Variants in CDC42BPA observed in about 807,000 individuals in gnomAD.
CDC42BPA encodes the protein serine/threonine-protein kinase MRCK alpha.
Under a neutral mutation model 223.5 loss-of-function variants are expected in CDC42BPA, and 80 were observed. The observed-to-expected ratio is 0.36, with a 90% CI of 0.30 to 0.43. CDC42BPA has a LOEUF of 0.43. CDC42BPA is among the 20% of genes least tolerant of loss of function. CDC42BPA has a pLI of 1.00. For synonymous variants in CDC42BPA, 694 were observed against 718.6 expected, an observed-to-expected ratio of 0.97 and a Z score of 0.55; for missense variants, 1,743 against 2,099.9, an observed-to-expected ratio of 0.83 and a Z score of 3.32.
chr1:227,124,648 G>C (rs1332487530), intron 11 of CDC42BPA, among the ~76,000 whole-genome samples: 2 of 152,116 alleles, frequency 1.3e-5, no homozygotes, highest in African/African-American at 4.8e-5. Flanking sequence ...AGCATGGCTG[G>C]AATCACTGGG....
intron 2 of CDC42BPA, among the ~76,000 whole-genome samples, chr1:227,249,894 GA>G (rs1313983758): frequency 6.7e-6 from 1 of 148,990 alleles, no homozygotes; most frequent in Non-Finnish European, 1.5e-5. Flanking sequence ...GGTAGCACAA[GA>G]GGGGGACTGT....
At position 227,317,147 on chromosome 1, in the gene CDC42BPA, C is replaced by T. The variant is rs1460873400; in HGVS notation, c.36G>A (p.Gln12=). 6.2e-7 allele frequency: 1 copy of T among 1,613,264 alleles called. No homozygotes were observed. The highest frequency in any genetic ancestry group is 8.5e-7 in the Non-Finnish European group (1 of 1,179,860). Residue 12 remains glutamine, a synonymous_variant, in exon 1 of 37, where the codon CAG becomes CAA. Transcript: ENST00000366766. ...SGEVRLRQLE[Q]FILDGPAQTN... ...TCTGAGCGGGCCCGTCCAAAATAAA[C>T]TGCTCCAACTGCCTCAAACGCACTT...
At position 227,009,458 on chromosome 1, in the gene CDC42BPA, G is replaced by A. The variant is rs1664745165; in HGVS notation, c.4858-4347C>T. ...TAGCCTTTCTCTATCACCTAAGCTG[G>A]AGTGCAGTGGTGCAATCACGGCTCT... On this transcript the variant is annotated intron_variant, in intron 34 of 36. Transcript: ENST00000366766. Among the ~76,000 whole-genome samples, 4 of 152,080 alleles carry A rather than the reference G, an allele frequency of 2.6e-5. No individual in the cohort carries two copies. The South Asian group carries it at 8.3e-4, about 32-fold the overall frequency.
intron 10 of CDC42BPA, among the ~76,000 whole-genome samples, chr1:227,135,481 G>A (rs1658294994): frequency 6.6e-6 from 1 of 152,096 alleles, no homozygotes. Context: ...GGAAGTGAAG[G>A]AGAAAGAGGC....
chr1:227,109,532 A>G (rs1432234278), intron 14 of CDC42BPA, among the ~76,000 whole-genome samples: 1 of 151,760 alleles, frequency 6.6e-6, no homozygotes, highest in Non-Finnish European at 1.5e-5. Flanking sequence ...CGTTCAGCTA[A>G]TTTTTGTATT....
chr1:227,274,697 A>C (rs970955662), intron 1 of CDC42BPA, among the ~76,000 whole-genome samples: 1 of 152,142 alleles, frequency 6.6e-6, no homozygotes, highest in Non-Finnish European at 1.5e-5. Flanking sequence ...AAACACAAGA[A>C]TACAGAAAGA....
chr1:227,254,219 A>G (rs1386121354), intron 1 of CDC42BPA, 64 bp from the exon 2 acceptor site: 2 of 834,234 alleles, frequency 2.4e-6, no homozygotes, highest in African/African-American at 1.8e-5. Flanking sequence ...AGATATAAAT[A>G]ATGGTGTTTC....
At chr1:227,256,810 G>A (rs1683108575) in intron 1 of CDC42BPA, among the ~76,000 whole-genome samples, 1 of 151,948 alleles carries the variant, frequency 6.6e-6, no homozygotes. Flanking sequence ...GTACCCAAGA[G>A]AATCAAAAGA....
At position 227,286,648 on chromosome 1, in the gene CDC42BPA, G is replaced by A. The variant is rs574792248; in HGVS notation, c.178+30357C>T. ...ATCTTTATAGCAACATTCCACTCCC[G>A]GTACCAATTTTCTGTATTAGTGTAT... On this transcript the variant is annotated intron_variant, in intron 1 of 36. Coordinates refer to ENST00000366766, the MANE Select transcript of CDC42BPA (RefSeq NM_001394014.1). Among the ~76,000 whole-genome samples the A allele has an allele frequency of 3.9e-5, 6 of 152,004 alleles. No homozygotes were observed. In the South Asian group the frequency reaches 6.2e-4, roughly 16 times the overall value.
At chr1:227,273,369 C>A (rs1686307465) in intron 1 of CDC42BPA, among the ~76,000 whole-genome samples, 1 of 151,636 alleles carries the variant, frequency 6.6e-6, no homozygotes, top group Non-Finnish European at 1.5e-5. Flanking sequence ...GAATTCGAGA[C>A]CAGCCTGACA....
At chr1:227,175,810 T>C (rs1450169419) in intron 5 of CDC42BPA, among the ~76,000 whole-genome samples, 1 of 152,188 alleles carries the variant, frequency 6.6e-6, no homozygotes, top group Non-Finnish European at 1.5e-5. Flanking sequence ...TATCTAGATC[T>C]TGAGTCAGCA....
intron 35 of CDC42BPA, among the ~76,000 whole-genome samples, chr1:227,002,445 ATCT>A (rs1663056731): frequency 2.0e-5 from 3 of 152,262 alleles, no homozygotes; most frequent in African/African-American, 7.2e-5. Context: ...ACATTTCAAC[ATCT>A]TCTTGTCAAT....
At chr1:227,028,505 A>T in intron 30 of CDC42BPA, 152 bp downstream of exon 30, 1 of 517,468 alleles carries the variant, frequency 1.9e-6, no homozygotes, top group Non-Finnish European at 3.3e-6. Flanking sequence ...TATGGTTTTT[A>T]CATCAACAAC....
chr1:227,062,238 C>T (rs563091445), intron 21 of CDC42BPA, among the ~76,000 whole-genome samples: 116 of 152,254 alleles, frequency 7.6e-4, no homozygotes, highest in African/African-American at 2.7e-3. Context: ...CCCGTAACTC[C>T]CTGCTCCCTC....
chr1:227,251,072 T>C (rs1275293619), intron 2 of CDC42BPA, among the ~76,000 whole-genome samples: 1 of 151,998 alleles, frequency 6.6e-6, no homozygotes, highest in Non-Finnish European at 1.5e-5. Flanking sequence ...AAAAGAACTA[T>C]TAAAGGGAAT....
At chr1:227,154,395 A>T (rs1558628461) in intron 6 of CDC42BPA, among the ~76,000 whole-genome samples, 1 of 152,048 alleles carries the variant, frequency 6.6e-6, no homozygotes, top group Non-Finnish European at 1.5e-5. Flanking sequence ...AGAAAAAAAT[A>T]GCACATATAA....
intron 2 of CDC42BPA, among the ~76,000 whole-genome samples, chr1:227,231,897 T>G (rs1238432582): frequency 6.6e-6 from 1 of 152,262 alleles, no homozygotes; most frequent in African/African-American, 2.4e-5. Flanking sequence ...CTTTGTCAGA[T>G]GAGTAGATTG....
intron 2 of CDC42BPA, among the ~76,000 whole-genome samples, chr1:227,225,311 T>A (rs1215781371): frequency 6.6e-6 from 1 of 152,160 alleles, no homozygotes; most frequent in Non-Finnish European, 1.5e-5. Context: ...TGTAAATTAC[T>A]GGATTACAGT....
chr1:227,196,236 CTT>C (rs1318614648), intron 4 of CDC42BPA, among the ~76,000 whole-genome samples: 1 of 151,082 alleles, frequency 6.6e-6, no homozygotes, highest in Non-Finnish European at 1.5e-5. Flanking sequence ...TCAGGAAACT[CTT>C]TTAATTCTCA....
Sources: gnomAD v4.1 joint callset for allele counts (sites outside exome capture counted in the v4.1 genomes callset) on GRCh38, gnomAD v4.1.1 for gene constraint, MANE v1.5 for transcripts, NCBI Gene and HGNC (gene_info 2026-07-23, HGNC 2026-07-21) for gene names.